CAMK1D: variants seen among roughly 807,000 people sequenced by gnomAD.
The protein encoded by CAMK1D is calcium/calmodulin dependent protein kinase ID, also known as calcium/calmodulin-dependent protein kinase type 1D.
Under a neutral mutation model 47.7 loss-of-function variants are expected in CAMK1D, and 9 were observed. That is an observed-to-expected ratio of 0.19 (90% CI 0.11 to 0.33). CAMK1D has a LOEUF of 0.33. Ranked by LOEUF, CAMK1D falls within the 10% of genes least tolerant of loss-of-function variation. The pLI, the probability that CAMK1D is intolerant of heterozygous loss-of-function variation, is 1.00. For synonymous variants in CAMK1D, 184 were observed against 184.9 expected (o/e 0.99, Z 0.04); for missense variants, 291 against 488.7 (o/e 0.60, Z 3.81).
intron 1 of CAMK1D, among the ~76,000 whole-genome samples, chr10:12,418,002 A>C (rs941565722): frequency 2.0e-5 from 3 of 152,094 alleles, no homozygotes; most frequent in African/African-American, 7.2e-5. Context: ...AGGTTTCACT[A>C]TGTTGGCCAG....
intron 1 of CAMK1D, among the ~76,000 whole-genome samples, chr10:12,397,774 T>G (rs913986537): frequency 2.0e-5 from 3 of 152,204 alleles, no homozygotes; most frequent in African/African-American, 7.2e-5. Flanking sequence ...GTGTTTAGTT[T>G]GGCTTGCATG....
chr10:12,688,804 C>A (rs1832757452), intron 3 of CAMK1D, among the ~76,000 whole-genome samples: 1 of 152,148 alleles, frequency 6.6e-6, no homozygotes, highest in Non-Finnish European at 1.5e-5. Flanking sequence ...CCTGCCTTAC[C>A]CCCTGAGTAG....
chr10:12,763,869 A>C (rs1055210573), intron 4 of CAMK1D, among the ~76,000 whole-genome samples: 15 of 152,110 alleles, frequency 9.9e-5, no homozygotes, highest in African/African-American at 3.6e-4. Context: ...CGAAAACTTA[A>C]TTTTTCCAGT....
chr10:12,563,030 T>A (rs1481563315), intron 2 of CAMK1D, among the ~76,000 whole-genome samples: 2 of 152,180 alleles, frequency 1.3e-5, no homozygotes, highest in African/African-American at 4.8e-5. Context: ...CACAAAAAGA[T>A]TTATTATGAG....
At chr10:12,705,568 T>A (rs1344040919) in intron 3 of CAMK1D, among the ~76,000 whole-genome samples, 4 of 152,186 alleles carry the variant, frequency 2.6e-5, no homozygotes, top group African/African-American at 7.2e-5. Flanking sequence ...ATGAACGGTG[T>A]GTTCGTATAA....
rs145356634 is a variant in CAMK1D, at chr10:12,558,068, T to C, written c.224+4712T>C. ...CAGCTGTGAGGACCGGCAGCCTTGC[T>C]CTGGCATCAGCGGCTGGATCTAGAA... On this transcript the variant is annotated intron_variant, in intron 2 of 10. Coordinates refer to ENST00000619168, the MANE Select transcript of CAMK1D (RefSeq NM_153498.4). Among the ~76,000 whole-genome samples, 986 of 152,340 alleles carry C rather than the reference T, an allele frequency of 6.5e-3. 9 individuals are homozygous for C. Among genetic ancestry groups the C allele is most frequent in the African/African-American group, 0.023 (938 of 41,578 alleles).
At chr10:12,568,728 G>A (rs1437113116) in intron 2 of CAMK1D, among the ~76,000 whole-genome samples, 1 of 151,994 alleles carries the variant, frequency 6.6e-6, no homozygotes, top group African/African-American at 2.4e-5. Flanking sequence ...GTGTCTATGA[G>A]TATGCTGCTT....
rs191568960 is a variant in CAMK1D, at chr10:12,764,649, C to T, written c.438+3563C>T. ...ACAACAGCATTGTCCTCTCTCTGCA[C>T]CCATGATTGGATCCTTATTGTTTAG... On this transcript the variant is annotated intron_variant, in intron 4 of 10. Coordinates refer to ENST00000619168, the MANE Select transcript of CAMK1D (RefSeq NM_153498.4). 2.4e-3 allele frequency among the ~76,000 whole-genome samples: 371 copies of T among 152,272 alleles called. 1 individual carries two copies. Among genetic ancestry groups the T allele is most frequent in the African/African-American group, 8.6e-3 (358 of 41,536 alleles).
intron 2 of CAMK1D, among the ~76,000 whole-genome samples, chr10:12,641,188 C>T (rs1839655380): frequency 2.0e-5 from 3 of 152,156 alleles, no homozygotes; most frequent in African/African-American, 4.8e-5. Context: ...AGGATTGTCT[C>T]GAACGCCTGA....
chr10:12,579,772 G>C (rs1009322799), intron 2 of CAMK1D, among the ~76,000 whole-genome samples: 3 of 152,152 alleles, frequency 2.0e-5, no homozygotes, highest in African/African-American at 7.2e-5. Flanking sequence ...TCACTGTGAT[G>C]GGGACCGTGG....
At chr10:12,753,556 A>G (rs145741621) in intron 3 of CAMK1D, among the ~76,000 whole-genome samples, 41 of 152,320 alleles carry the variant, frequency 2.7e-4, no homozygotes, top group Non-Finnish European at 4.0e-4. Context: ...TCCAAATACC[A>G]TCCACCCCGT....
chr10:12,623,707 C>T (rs1197706009), intron 2 of CAMK1D, among the ~76,000 whole-genome samples: 1 of 150,688 alleles, frequency 6.6e-6, no homozygotes, highest in African/African-American at 2.5e-5. Context: ...TACATACATG[C>T]TCCCTTTTTT....
chr10:12,720,549 C>T (rs1024062646), intron 3 of CAMK1D, among the ~76,000 whole-genome samples: 10 of 152,138 alleles, frequency 6.6e-5, no homozygotes, highest in African/African-American at 2.2e-4. Flanking sequence ...CTAGAGATGA[C>T]GTGGTAGATA....
chr10:12,425,285 T>TTTCTTTC (rs760003674), intron 1 of CAMK1D, among the ~76,000 whole-genome samples: 4 of 133,578 alleles, frequency 3.0e-5, no homozygotes, highest in Non-Finnish European at 3.4e-5. Context: ...TCTTTCTTTC[T>TTTCTTTC]TTTTTTTTTT....
chr10:12,536,619 G>T (rs1388255611), intron 1 of CAMK1D, among the ~76,000 whole-genome samples: 3 of 152,130 alleles, frequency 2.0e-5, no homozygotes, highest in Non-Finnish European at 2.9e-5. Context: ...CTCTCCAGAG[G>T]CAACCTTTAC....
At chr10:12,756,187 C>T (rs1836220088) in intron 3 of CAMK1D, among the ~76,000 whole-genome samples, 1 of 152,158 alleles carries the variant, frequency 6.6e-6, no homozygotes, top group Non-Finnish European at 1.5e-5. Context: ...AGCCTGCTTC[C>T]AGCATTAGCA....
chr10:12,482,078 G>A (rs11257817), intron 1 of CAMK1D, among the ~76,000 whole-genome samples: 7,718 of 152,290 alleles, frequency 0.051, 663 homozygotes, highest in East Asian at 0.4. Context: ...TTCCCTTGAG[G>A]GGGTGGTTAT....
intron 10 of CAMK1D, among the ~76,000 whole-genome samples, chr10:12,828,545 G>A (rs1352253496): frequency 2.6e-5 from 4 of 152,064 alleles, no homozygotes; most frequent in African/African-American, 9.7e-5. Context: ...GGAGGCTGAA[G>A]CACGAGAATC....
chr10:12,796,341 T>A (rs1838194533), intron 6 of CAMK1D, among the ~76,000 whole-genome samples: 1 of 152,194 alleles, frequency 6.6e-6, no homozygotes, highest in Admixed American at 6.5e-5. Flanking sequence ...ACGCTGATGG[T>A]ACTCCACTTT....
Sources: gnomAD v4.1 joint callset for allele counts (sites outside exome capture counted in the v4.1 genomes callset) on GRCh38, gnomAD v4.1.1 for gene constraint, MANE v1.5 for transcripts, NCBI Gene and HGNC (gene_info 2026-07-23, HGNC 2026-07-21) for gene names.